ZNF710: variants seen among roughly 807,000 people sequenced by gnomAD.
The protein encoded by ZNF710 is zinc finger protein 710.
In ZNF710, 13 loss-of-function variants were observed where a neutral mutation model predicts 50.6. The observed-to-expected ratio is 0.26, with a 90% confidence interval of 0.17 to 0.41. The LOEUF is 0.41. Ranked by LOEUF, ZNF710 falls within the 10% of genes least tolerant of loss-of-function variation. ZNF710 has a pLI of 1.00. For missense variants in ZNF710, 721 were observed against 936.6 expected (o/e 0.77, Z 3.01); for synonymous variants, 383 against 397.0 (o/e 0.96, Z 0.42).
At position 90,068,953 on chromosome 15, in the gene ZNF710, C is replaced by T. The variant is rs1156932548; in HGVS notation, c.1458+358C>T. ...ACAAAAAAATTTAAACATGGCTAGG[C>T]GTGATGGCTCATGCCTGTAATCCCA... On this transcript the variant is annotated intron_variant, in intron 2 of 4. Transcript: ENST00000268154. The surrounding 1 kb of genome is among the most constrained non-coding windows in gnomAD (Gnocchi z 5.0). Among the ~76,000 whole-genome samples the T allele has an allele frequency of 6.6e-6, 1 of 151,888 alleles. No individual in the cohort carries two copies. The highest frequency in any genetic ancestry group is 1.5e-5 in the Non-Finnish European group (1 of 67,992).
At chr15:89,999,560 T>G (rs1006671014), upstream of ZNF710, among the ~76,000 whole-genome samples, 1 of 152,172 alleles carries the variant, frequency 6.6e-6, no homozygotes, top group African/African-American at 2.4e-5. Context: ...GGTGTCCTTC[T>G]TGTTGAACCA....
intron 4 of ZNF710, 109 bp downstream of exon 4, chr15:90,074,399 C>A (rs748036712): frequency 4.5e-6 from 7 of 1,567,288 alleles, no homozygotes; most frequent in Admixed American, 1.8e-5. Flanking sequence ...GCTGAGACTT[C>A]GTTGGGGTGG....
intron 1 of ZNF710, among the ~76,000 whole-genome samples, chr15:90,014,153 A>G (rs1021580480): frequency 2.0e-5 from 3 of 151,938 alleles, no homozygotes; most frequent in African/African-American, 7.3e-5. Context: ...GGATCTCAGT[A>G]TCCTTAGCTG....
intron 1 of ZNF710, among the ~76,000 whole-genome samples, chr15:90,027,410 A>C (rs1898812001): frequency 6.6e-6 from 1 of 152,066 alleles, no homozygotes; most frequent in Non-Finnish European, 1.5e-5. Flanking sequence ...GGGTTTCACC[A>C]TGTTGGTCAG....
upstream of ZNF710, among the ~76,000 whole-genome samples, chr15:90,000,281 G>A (rs554156164): frequency 6.6e-6 from 1 of 152,354 alleles, no homozygotes; most frequent in South Asian, 2.1e-4. Context: ...GAGGGCTCCG[G>A]ACCCGCCCTG....
At chr15:90,001,966 TGAGA>T (rs745830369) in intron 1 of ZNF710, among the ~76,000 whole-genome samples, 2,392 of 96,634 alleles carry the variant, frequency 0.025, 48 homozygotes, top group African/African-American at 0.059. Context: ...AGCGCGCGAA[TGAGA>T]GAGAGAGAGA....
chr15:90,069,304 A>T (rs1340529948), intron 2 of ZNF710, among the ~76,000 whole-genome samples: 5 of 151,970 alleles, frequency 3.3e-5, no homozygotes, highest in African/African-American at 1.2e-4. Flanking sequence ...GCTACTTGGA[A>T]GGCTAAGGTG....
In ZNF710 at chr15:90,068,698, G is replaced by A; in HGVS notation, c.1458+103G>A. 4.7e-6 allele frequency: 6 copies of A among 1,273,404 alleles called. No individual in the cohort carries two copies. The highest frequency in any genetic ancestry group is 6.5e-6 in the Non-Finnish European group (6 of 928,588). The allele number at this position is 1,273,404 out of a possible 1,614,324, so 78.9% of individuals were successfully genotyped here. ...ATGGGACCATTTAGGTGGTCTCCTA[G>A]TTTTATCGTTACGTACTTATTTTGA... On this transcript the variant is annotated intron_variant, in intron 2 of 4. Coordinates refer to ENST00000268154, the MANE Select transcript of ZNF710 (RefSeq NM_198526.4). This position sits in a 1 kb window ranked among gnomAD's most constrained non-coding sequence, Gnocchi z 5.0.
In ZNF710 at chr15:90,008,427, T is replaced by TGTGTATATATATACATATATATAC. The variant is rs1491372581; in HGVS notation, c.-29+6813_-29+6814insGTGTATATATATACATATATATAC. The stretch of plus-strand genomic sequence containing the variant: ...TAGTATACGTGTGTGTGTGTGTGTG[T>TGTGTATATATATACATATATATAC]ATATATATATATACATATATATATA... On this transcript the variant is annotated intron_variant, in intron 1 of 4. Transcript: ENST00000268154. Among the ~76,000 whole-genome samples, 5 of 135,090 alleles carry TGTGTATATATATACATATATATAC rather than the reference T, an allele frequency of 3.7e-5. 1 individual carries two copies. The highest frequency in any genetic ancestry group is 1.6e-4 in the African/African-American group (5 of 30,370). 88.6% of individuals were successfully genotyped at this position (135,090 alleles called of 152,430 possible). A position where few individuals can be genotyped will look rare whatever the true frequency, so the allele number is the denominator to read the frequency against.
rs1899036222 is a variant in ZNF710 at position 90,034,205 on chromosome 15, A to AG, written c.-29+32591_-29+32592insG. ...AGAGTGAGACTCTGTCTCAAAAAAAAAGAAAAGAAAAGAAAAGAAAAGAAA... is the reference window on the plus strand; with the variant it reads ...AGAGTGAGACTCTGTCTCAAAAAAAAGAGAAAAGAAAAGAAAAGAAAAGAAA... On this transcript the variant is annotated intron_variant, in intron 1 of 4. Coordinates refer to ENST00000268154, the MANE Select transcript of ZNF710 (RefSeq NM_198526.4). This position sits in a 1 kb window ranked among gnomAD's most constrained non-coding sequence, Gnocchi z 4.0. 6.8e-6 allele frequency among the ~76,000 whole-genome samples: 1 copy of AG among 146,570 alleles called. No individual in the cohort carries two copies. Among genetic ancestry groups the AG allele is most frequent in the African/African-American group, 2.6e-5 (1 of 37,878 alleles).
At position 90,082,047 on chromosome 15, in the gene ZNF710, A is replaced by G. The variant is rs1900735418; in HGVS notation, c.*2218A>G. ...TCTCGGGTGACTTGGAAACTCCTGG[A>G]CAAATTCCATTCTAACTTATTTTGA... On this transcript the variant is annotated 3_prime_UTR_variant, in exon 5 of 5. Coordinates refer to ENST00000268154, the MANE Select transcript of ZNF710 (RefSeq NM_198526.4). 1 of 152,260 alleles carries G rather than the reference A, an allele frequency of 6.6e-6. No homozygotes were observed. The highest frequency in any genetic ancestry group is 2.1e-4 in the South Asian group (1 of 4,836). 9.4% of individuals were successfully genotyped at this position (152,260 alleles called of 1,614,324 possible).
chr15:90,045,150 G>T (rs986092663), intron 1 of ZNF710, among the ~76,000 whole-genome samples: 3 of 152,136 alleles, frequency 2.0e-5, no homozygotes, highest in Non-Finnish European at 2.9e-5. Context: ...ACTCACTAAG[G>T]TAATCATCCA....
At chr15:90,002,228 G>C (rs1276896784) in intron 1 of ZNF710, among the ~76,000 whole-genome samples, 1 of 151,786 alleles carries the variant, frequency 6.6e-6, no homozygotes, top group Non-Finnish European at 1.5e-5. Context: ...CAGCCGGCCG[G>C]GGGTGGGGGA....
chr15:90,002,539 C>T (rs574329612), intron 1 of ZNF710: 3 of 152,438 alleles, frequency 2.0e-5, no homozygotes, highest in African/African-American at 4.8e-5. Flanking sequence ...AGATCGGGGC[C>T]CTCAGGCTAC....
intron 2 of ZNF710, among the ~76,000 whole-genome samples, chr15:90,070,353 A>ATT (rs1232804909): frequency 6.5e-5 from 9 of 138,912 alleles, no homozygotes; most frequent in African/African-American, 1.9e-4. Flanking sequence ...ATAGCAAGAC[A>ATT]TTTTTTTTTT....
At chr15:90,003,198 G>A (rs1482356396) in intron 1 of ZNF710, among the ~76,000 whole-genome samples, 2 of 152,168 alleles carry the variant, frequency 1.3e-5, no homozygotes, top group Non-Finnish European at 2.9e-5. Flanking sequence ...GAGGCCTGCC[G>A]GGCAATCCAG....
intron 1 of ZNF710, chr15:90,006,966 GT>G (rs2151458568): frequency 6.5e-6 from 1 of 154,536 alleles, no homozygotes; most frequent in South Asian, 2.0e-4. Flanking sequence ...GCTTTTTCCA[GT>G]TTGTGCTGTC....
intron 1 of ZNF710, among the ~76,000 whole-genome samples, chr15:90,005,551 C>T (rs1898119387): frequency 6.6e-6 from 1 of 152,120 alleles, no homozygotes; most frequent in Admixed American, 6.5e-5. Context: ...TGGCTTCAAG[C>T]GATTCTCCTG....
intron 2 of ZNF710, among the ~76,000 whole-genome samples, chr15:90,069,395 T>A (rs1900300699): frequency 6.6e-6 from 1 of 151,626 alleles, no homozygotes; most frequent in South Asian, 2.1e-4. Context: ...GCAACCAGAC[T>A]GAGACCCTGT....
Sources: allele counts gnomAD v4.1 joint callset (sites outside exome capture counted in the v4.1 genomes callset), GRCh38; gene constraint gnomAD v4.1.1; non-coding constraint Gnocchi (gnomAD v3.1); transcripts MANE v1.5; gene names NCBI Gene and HGNC (gene_info 2026-07-23, HGNC 2026-07-21).